Variants in STARD8 observed in about 807,000 individuals in gnomAD.
STARD8 encodes the protein stAR-related lipid transfer protein 8.
A neutral mutation model predicts 69.4 loss-of-function variants in STARD8; 25 were observed. That is an observed-to-expected ratio of 0.36 (90% CI 0.26 to 0.50). The LOEUF is 0.50. STARD8 is among the 20% of genes least tolerant of loss of function. The probability of loss-of-function intolerance (pLI) is 0.96; values close to 1 mark genes in which losing one functional copy is unlikely to be tolerated. For synonymous variants in STARD8, 389 were observed against 374.6 expected (o/e 1.04, Z -0.45); for missense variants, 921 against 932.5 (o/e 0.99, Z 0.16).
Position 68,724,626 on chromosome X carries a change from C to A in STARD8, c.*204C>A. 5.0e-6 allele frequency: 2 copies of A among 396,798 alleles called. No homozygotes were observed. Among genetic ancestry groups the A allele is most frequent in the Non-Finnish European group, 8.8e-6 (2 of 228,532 alleles). The allele number at this position is 396,798 out of a possible 1,213,427, so 32.7% of individuals were successfully genotyped here. A position where few individuals can be genotyped will look rare whatever the true frequency, so the allele number is the denominator to read the frequency against. ...AAAGAGAATTTAGGCAACTCCACTC[C>A]CCCTTCACCCCCAACCCTGTATTCT... On this transcript the variant is annotated 3_prime_UTR_variant, in exon 15 of 15. Coordinates refer to ENST00000374599, the MANE Select transcript of STARD8 (RefSeq NM_001142503.3).
chrX:68,683,459 A>G (rs1022023627), intron 2 of STARD8, among the ~76,000 whole-genome samples: 4 of 112,032 alleles, frequency 3.6e-5, no homozygotes, highest in Non-Finnish European at 5.6e-5. Context: ...AACCTTAGCT[A>G]TTCTCAGTGA....
At chrX:68,686,917 G>A (rs755950295) in intron 2 of STARD8, among the ~76,000 whole-genome samples, 65 of 110,742 alleles carry the variant, frequency 5.9e-4, no homozygotes, top group Admixed American at 3.8e-4. Context: ...CGTGGTAGGC[G>A]TTCAGTAAAC....
intron 2 of STARD8, among the ~76,000 whole-genome samples, chrX:68,692,009 C>T (rs1363055302): frequency 8.9e-6 from 1 of 112,169 alleles, no homozygotes; most frequent in Non-Finnish European, 1.9e-5. Flanking sequence ...GGTTTCTTGC[C>T]CTTAGGGAAA....
chrX:68,710,366 A>G (rs2080040462), intron 2 of STARD8, among the ~76,000 whole-genome samples: 1 of 112,448 alleles, frequency 8.9e-6, no homozygotes, highest in Non-Finnish European at 1.9e-5. Context: ...ATCACTGAGC[A>G]ATGTGATTTA....
chrX:68,653,011 CCA>C (rs1231946642), intron 1 of STARD8, among the ~76,000 whole-genome samples: 8 of 10,400 alleles, frequency 7.7e-4, no homozygotes, highest in Admixed American at 1.1e-3. Flanking sequence ...ACACACACCA[CCA>C]CACACACACA....
intron 2 of STARD8, among the ~76,000 whole-genome samples, chrX:68,696,746 G>C (rs187882809): frequency 1.6e-4 from 18 of 111,700 alleles, no homozygotes; most frequent in African/African-American, 4.9e-4. Flanking sequence ...ACCATGTGCT[G>C]TATAAATTAT....
intron 2 of STARD8, among the ~76,000 whole-genome samples, chrX:68,691,018 C>G (rs2079873088): frequency 8.9e-6 from 1 of 111,773 alleles, no homozygotes; most frequent in South Asian, 3.8e-4. Flanking sequence ...CCCAGGCCAT[C>G]TTGCTCCAGT....
At position 68,718,491 on chromosome X, in the gene STARD8, C is replaced by T; in HGVS notation, c.1577C>T (p.Ala526Val). The T allele has an allele frequency of 8.3e-7, 1 of 1,212,109 alleles. No individual in the cohort carries two copies. The highest frequency in any genetic ancestry group is 1.1e-6 in the Non-Finnish European group (1 of 895,573). ...GGACACTCCATTTCTGACACTGTGG[C>T]CTCCTCCAGCGAACTTGACAGTAGT... ...EEGHSISDTV[A>V]SSSELDSSGN... The change falls in exon 6 of 15, where the codon GCC (alanine) becomes GTC (valine). Residue 526 changes from alanine to valine, a missense_variant. By Grantham distance (64) the Ala-to-Val change is moderately conservative (BLOSUM62 0). Transcript: ENST00000374599.
At chrX:68,704,855 G>A (rs1259121574) in intron 2 of STARD8, among the ~76,000 whole-genome samples, 1 of 111,633 alleles carries the variant, frequency 9.0e-6, no homozygotes, top group Non-Finnish European at 1.9e-5. Flanking sequence ...TAGGAGATGT[G>A]GAAACTGAGG....
intron 2 of STARD8, among the ~76,000 whole-genome samples, chrX:68,671,155 G>A (rs1206920468): frequency 1.8e-5 from 2 of 112,394 alleles, no homozygotes; most frequent in African/African-American, 3.2e-5. Flanking sequence ...GGCATTCAAG[G>A]TCTCTCAAGC....
At chrX:68,675,396 A>C (rs1292718720) in intron 2 of STARD8, among the ~76,000 whole-genome samples, 1 of 111,438 alleles carries the variant, frequency 9.0e-6, no homozygotes, top group Non-Finnish European at 1.9e-5. Context: ...GCCTTGCCCT[A>C]GTTTTCTCAG....
chrX:68,653,416 AC>A (rs2079586434), intron 1 of STARD8, among the ~76,000 whole-genome samples: 1 of 51,169 alleles, frequency 2.0e-5, no homozygotes, highest in East Asian at 7.5e-4. Context: ...CACACACCAC[AC>A]CACACACACC....
intron 2 of STARD8, among the ~76,000 whole-genome samples, chrX:68,703,227 T>C (rs2079979670): frequency 8.9e-6 from 1 of 112,027 alleles, no homozygotes; most frequent in African/African-American, 3.3e-5. Flanking sequence ...GCTACTACAC[T>C]CCAGCCCTGG....
chrX:68,718,742 T>TC (rs2080121107), intron 6 of STARD8, 113 bp downstream of exon 6: 2 of 1,086,705 alleles, frequency 1.8e-6, no homozygotes, highest in East Asian at 3.3e-5. Context: ...GGCTGCGTTA[T>TC]CCCCTCACAG....
At position 68,720,280 on chromosome X, in the gene STARD8, A is replaced by T. The variant is rs2080135509; in HGVS notation, c.1906A>T (p.Met636Leu). ...QGWVWSMPKF[M>L]RRNKTPDYRG... The stretch of plus-strand genomic sequence containing the variant: ...CCCAAACAGGTCAATGCCCAAGTTC[A>T]TGAGGAGGAACAAGACCCCAGATTA... The change falls in exon 8 of 15, where the codon ATG (methionine) becomes TTG (leucine). Residue 636 changes from methionine to leucine, a missense_variant. Physicochemically the swap from Met to Leu is conservative, Grantham distance 15. Coordinates refer to ENST00000374599, the MANE Select transcript of STARD8 (RefSeq NM_001142503.3). 2 of 1,201,854 alleles carry T rather than the reference A, an allele frequency of 1.7e-6. No individual in the cohort carries two copies. Among genetic ancestry groups the T allele is most frequent in the South Asian group, 1.8e-5 (1 of 54,940 alleles).
intron 12 of STARD8, among the ~76,000 whole-genome samples, chrX:68,722,994 G>A (rs922572482): frequency 1.8e-5 from 2 of 112,399 alleles, no homozygotes; most frequent in Non-Finnish European, 3.8e-5. Flanking sequence ...TGCCTGGACT[G>A]CCCTGACCCC....
chrX:68,673,637 T>C (rs1192575012), intron 2 of STARD8, among the ~76,000 whole-genome samples: 1 of 112,199 alleles, frequency 8.9e-6, no homozygotes, highest in Non-Finnish European at 1.9e-5. Context: ...AGTTCACAGA[T>C]AGTTGCCAGG....
At position 68,670,847 on chromosome X, in the gene STARD8, A is replaced by T. The variant is rs183730521; in HGVS notation, c.79+5315A>T. On this transcript the variant is annotated intron_variant, in intron 2 of 14. Coordinates refer to ENST00000374599, the MANE Select transcript of STARD8 (RefSeq NM_001142503.3). ...AGCAAGAGTCACGGGCGTTACCTGG[A>T]CTCCATTTTTCTAATTTGCTGCCAT... 8.1e-5 allele frequency among the ~76,000 whole-genome samples: 9 copies of T among 111,041 alleles called. No homozygotes were observed. In the East Asian group the frequency reaches 2.3e-3, roughly 28 times the overall value.
chrX:68,654,979 G>C (rs2079602443), intron 1 of STARD8, among the ~76,000 whole-genome samples: 1 of 112,151 alleles, frequency 8.9e-6, no homozygotes. Context: ...AGTCCAATTT[G>C]CCACATGCAG....
Sources: gnomAD v4.1 joint callset for allele counts (sites outside exome capture counted in the v4.1 genomes callset) on GRCh38, gnomAD v4.1.1 for gene constraint, MANE v1.5 for transcripts, NCBI Gene and HGNC (gene_info 2026-07-23, HGNC 2026-07-21) for gene names.